CAST: variants seen among roughly 807,000 people sequenced by gnomAD.
CAST encodes the protein MIR583 host.
A neutral mutation model predicts 119.6 loss-of-function variants in CAST; 76 were observed. The ratio of observed to expected loss-of-function variants is 0.64; its 90% CI spans 0.53 to 0.77. The LOEUF is 0.77. CAST is among the 30% of genes least tolerant of loss of function. The pLI is 0.00. For synonymous variants in CAST, 319 were observed against 331.6 expected (o/e 0.96, Z 0.41); for missense variants, 953 against 946.5 (o/e 1.01, Z -0.09).
At chr5:96,061,184 G>T in the CAST span, among the ~76,000 whole-genome samples, 1 of 151,954 alleles carries the variant, frequency 6.6e-6, no homozygotes, top group Non-Finnish European at 1.5e-5. Context: ...CCCTAAAAAA[G>T]AATCACAATG....
the CAST span, among the ~76,000 whole-genome samples, chr5:96,073,290 G>A: frequency 6.6e-6 from 1 of 152,174 alleles, no homozygotes; most frequent in African/African-American, 2.4e-5. Context: ...AGAGGTGACT[G>A]ACATGTATTG....
chr5:96,741,763 T>C (rs1762740833), intron 15 of CAST, 183 bp downstream of exon 15: 1 of 553,196 alleles, frequency 1.8e-6, no homozygotes, highest in Non-Finnish European at 3.3e-6. Flanking sequence ...TGTGTGTTTC[T>C]GTAACTGCTT....
chr5:96,428,074 T>C, the CAST span, among the ~76,000 whole-genome samples: 3,749 of 152,294 alleles, frequency 0.025, 152 homozygotes, highest in African/African-American at 0.086. Context: ...TTGTTGTTTC[T>C]TTTACATTCG....
At chr5:96,075,539 C>T in the CAST span, among the ~76,000 whole-genome samples, 1 of 152,130 alleles carries the variant, frequency 6.6e-6, no homozygotes, top group African/African-American at 2.4e-5. Context: ...GTTCAGCTTT[C>T]GTTCTACTTC....
At chr5:96,757,297 TGA>T in intron 22 of CAST, 145 bp from the exon 23 acceptor site, 1 of 773,392 alleles carries the variant, frequency 1.3e-6, no homozygotes, top group Non-Finnish European at 2.2e-6. Flanking sequence ...TATTCTCTGG[TGA>T]GAGAATCCTT....
the CAST span, among the ~76,000 whole-genome samples, chr5:96,397,639 T>C: frequency 6.6e-6 from 1 of 152,230 alleles, no homozygotes; most frequent in Admixed American, 6.5e-5. Context: ...GATGTTTTTA[T>C]CTATAGTGCT....
At chr5:96,663,296 G>C in intron 1 of CAST, 1 of 692,594 alleles carries the variant, frequency 1.4e-6, no homozygotes, top group Admixed American at 2.0e-5. Flanking sequence ...GGTGCGGACC[G>C]GGTGCGACCT....
chr5:96,540,944 T>C (rs1309507023), intron 1 of CAST, among the ~76,000 whole-genome samples: 2 of 152,216 alleles, frequency 1.3e-5, no homozygotes, highest in Non-Finnish European at 2.9e-5. Flanking sequence ...GATGTTGACC[T>C]TGATCTCCTG....
chr5:96,519,073 A>G, the CAST span, among the ~76,000 whole-genome samples: 1 of 152,192 alleles, frequency 6.6e-6, no homozygotes, highest in Non-Finnish European at 1.5e-5. Context: ...CCACAAAAAA[A>G]AGAATGGCTG....
the CAST span, among the ~76,000 whole-genome samples, chr5:96,506,949 G>T: frequency 6.6e-6 from 1 of 152,184 alleles, no homozygotes; most frequent in Non-Finnish European, 1.5e-5. Flanking sequence ...CCTAAAGATT[G>T]CTATTGAAGA....
the CAST span, among the ~76,000 whole-genome samples, chr5:96,232,834 A>G: frequency 6.6e-6 from 1 of 152,010 alleles, no homozygotes; most frequent in Non-Finnish European, 1.5e-5. Context: ...GAGATTCATA[A>G]AAGTATTAAT....
At chr5:96,439,450 G>A in the CAST span, among the ~76,000 whole-genome samples, 1 of 152,172 alleles carries the variant, frequency 6.6e-6, no homozygotes, top group African/African-American at 2.4e-5. Context: ...AATTCCCCAT[G>A]ACTGAGGAAT....
chr5:96,047,326 G>A, the CAST span, among the ~76,000 whole-genome samples: 1 of 152,072 alleles, frequency 6.6e-6, no homozygotes, highest in Non-Finnish European at 1.5e-5. Flanking sequence ...GGTTAGAAAA[G>A]TTTTTATTTT....
the CAST span, among the ~76,000 whole-genome samples, chr5:96,092,798 T>C: frequency 6.6e-6 from 1 of 152,184 alleles, no homozygotes; most frequent in Non-Finnish European, 1.5e-5. Flanking sequence ...TAATGCCACA[T>C]TGGCAGCTTT....
chr5:96,159,524 T>C, the CAST span, among the ~76,000 whole-genome samples: 1 of 152,198 alleles, frequency 6.6e-6, no homozygotes, highest in African/African-American at 2.4e-5. Flanking sequence ...AGGAAAGCAG[T>C]GTCCTCTTCT....
chr5:96,073,073 T>C, the CAST span, among the ~76,000 whole-genome samples: 2 of 152,254 alleles, frequency 1.3e-5, no homozygotes, highest in African/African-American at 4.8e-5. Flanking sequence ...CCAGGAGCAC[T>C]TACCAAAAGT....
rs1162873931 is a variant in CAST, at chr5:96,617,790, T to TAAAAAAAAA, written c.61-57718_61-57710dup. On this transcript the variant is annotated intron_variant, in intron 1 of 11. Coordinates refer to the CAST transcript ENST00000505143. Reference sequence around the variant, plus strand: ...CTGGGCAACAGAGCAAAATTCCATCTAAAAAAAAAAAAAAAAAAAAAAAAA... The same window carrying TAAAAAAAAA: ...CTGGGCAACAGAGCAAAATTCCATCTAAAAAAAAAAAAAAAAAAAAAAAAAAAAAAAAAA... Among the ~76,000 whole-genome samples, 27 of 21,998 alleles carry TAAAAAAAAA rather than the reference T, an allele frequency of 1.2e-3. 7 individuals carry two copies. The highest frequency in any genetic ancestry group is 0.036 in the Middle Eastern group (1 of 28). The allele number at this position is 21,998 out of a possible 152,430, so 14.4% of individuals were successfully genotyped here.
At chr5:96,055,948 A>C in the CAST span, among the ~76,000 whole-genome samples, 1 of 151,886 alleles carries the variant, frequency 6.6e-6, no homozygotes, top group Non-Finnish European at 1.5e-5. Context: ...ACATCTTTAC[A>C]AAAAAAACCC....
the CAST span, among the ~76,000 whole-genome samples, chr5:96,468,776 T>A: frequency 6.6e-6 from 1 of 151,986 alleles, no homozygotes; most frequent in South Asian, 2.1e-4. Context: ...CTTGGGCATG[T>A]TATTAAGCTG....
Sources: gnomAD v4.1 joint callset for allele counts (sites outside exome capture counted in the v4.1 genomes callset) on GRCh38, gnomAD v4.1.1 for gene constraint, MANE v1.5 for transcripts, NCBI Gene and HGNC (gene_info 2026-07-23, HGNC 2026-07-21) for gene names.